Variants in NUBPL observed in about 807,000 individuals in gnomAD.
NUBPL encodes the protein NUBP iron-sulfur cluster assembly factor, mitochondrial.
NUBPL carries 31 observed loss-of-function variants against 45.7 expected under a neutral mutation model. That is an observed-to-expected ratio of 0.68 (90% confidence interval 0.51 to 0.92). The LOEUF (loss-of-function observed/expected upper bound fraction) is 0.92. Ranked by LOEUF, NUBPL falls within the 40% of genes least tolerant of loss-of-function variation. The probability of loss-of-function intolerance (pLI) is 0.00; values close to 1 mark genes in which losing one functional copy is unlikely to be tolerated. For missense variants in NUBPL, 401 were observed against 398.7 expected (o/e 1.01, Z -0.05); for synonymous variants, 144 against 140.9 (o/e 1.02, Z -0.15).
At chr14:31,697,978 C>CAGAT (rs1239254446) in intron 6 of NUBPL, among the ~76,000 whole-genome samples, 1 of 152,092 alleles carries the variant, frequency 6.6e-6, no homozygotes, top group Non-Finnish European at 1.5e-5. Flanking sequence ...AAGACTTGAA[C>CAGAT]AGATCCCAAG....
Position 31,859,208 on chromosome 14 carries a change from G to T in NUBPL, c.*28G>T. 1 of 1,589,744 alleles carries T rather than the reference G, an allele frequency of 6.3e-7. No individual in the cohort carries two copies. Among genetic ancestry groups the T allele is most frequent in the South Asian group, 1.1e-5 (1 of 90,546 alleles). On this transcript the variant is annotated 3_prime_UTR_variant, in exon 11 of 11. Coordinates refer to ENST00000281081, the MANE Select transcript of NUBPL (RefSeq NM_025152.3). ...CCCCAAGTGTCCTGGAAATTTGCCT[G>T]GTACTGACATTAAGAGGACCTTTGG... is the stretch of plus-strand genomic sequence containing the variant.
At chr14:31,651,128 C>T (rs1015720898) in intron 4 of NUBPL, among the ~76,000 whole-genome samples, 1 of 152,126 alleles carries the variant, frequency 6.6e-6, no homozygotes, top group Non-Finnish European at 1.5e-5. Flanking sequence ...TGTTCCACGT[C>T]TTTGGATTTT....
chr14:31,737,175 A>T (rs1271294351), intron 6 of NUBPL, among the ~76,000 whole-genome samples: 3 of 151,960 alleles, frequency 2.0e-5, no homozygotes, highest in African/African-American at 7.3e-5. Context: ...AGGTTATCAA[A>T]TTTTTCTATT....
chr14:31,735,253 A>G (rs1373911477), intron 6 of NUBPL, among the ~76,000 whole-genome samples: 1 of 152,172 alleles, frequency 6.6e-6, no homozygotes, highest in East Asian at 1.9e-4. Flanking sequence ...TAATTTGTAT[A>G]TATATTAAAT....
At chr14:31,580,903 G>A (rs1033719386) in intron 3 of NUBPL, among the ~76,000 whole-genome samples, 3 of 152,230 alleles carry the variant, frequency 2.0e-5, no homozygotes, top group Non-Finnish European at 2.9e-5. Context: ...CTCATAAGCC[G>A]TGGTGGAAAT....
chr14:31,793,852 TA>T (rs796464123), intron 7 of NUBPL, among the ~76,000 whole-genome samples: 10,497 of 134,310 alleles, frequency 0.078, 1,372 homozygotes, highest in African/African-American at 0.31. Flanking sequence ...TTTTTTTTTT[TA>T]TTTTTTCCCA....
At chr14:31,609,638 A>G (rs377696258) in intron 4 of NUBPL, among the ~76,000 whole-genome samples, 2 of 152,330 alleles carry the variant, frequency 1.3e-5, no homozygotes, top group East Asian at 3.9e-4. Flanking sequence ...TCCTCAGCAC[A>G]TGGATCATTC....
Position 31,738,864 on chromosome 14 carries a change from A to G in NUBPL, c.514-48916A>G, listed in dbSNP as rs1232925160. 2.6e-5 allele frequency among the ~76,000 whole-genome samples: 4 copies of G among 152,228 alleles called. No individual in the cohort carries two copies. The East Asian group carries it at 5.8e-4, about 22-fold the overall frequency. On this transcript the variant is annotated intron_variant, in intron 6 of 10. Transcript: ENST00000281081. ...TCCATTCCCTGTTTCATCAAGTTTC[A>G]GGGAGAAAATAGGGGAAAAGTCTGT... is the stretch of plus-strand genomic sequence containing the variant.
intron 8 of NUBPL, among the ~76,000 whole-genome samples, chr14:31,833,635 G>C (rs1308026485): frequency 6.6e-6 from 1 of 152,158 alleles, no homozygotes; most frequent in African/African-American, 2.4e-5. Context: ...CATTACAGTA[G>C]ATGAACAGGT....
chr14:31,712,559 G>A (rs2037599972), intron 6 of NUBPL, among the ~76,000 whole-genome samples: 1 of 152,218 alleles, frequency 6.6e-6, no homozygotes, highest in Non-Finnish European at 1.5e-5. Flanking sequence ...TCCGGCCTCG[G>A]CCAGCCCCAG....
chr14:31,710,449 C>T (rs1310437922), intron 6 of NUBPL, among the ~76,000 whole-genome samples: 2 of 152,148 alleles, frequency 1.3e-5, no homozygotes, highest in Non-Finnish European at 2.9e-5. Context: ...GCTTTTCTCC[C>T]AGACCACAAG....
rs572808127 is a variant in NUBPL at position 31,764,233 on chromosome 14, T to C, written c.514-23547T>C. ...TTTACTGGTTTATAGGTCTTTGTCATAATTTTTATTTGGGTAGGATATAAT... is the reference window on the plus strand; with the variant it reads ...TTTACTGGTTTATAGGTCTTTGTCACAATTTTTATTTGGGTAGGATATAAT... On this transcript the variant is annotated intron_variant, in intron 6 of 10. Coordinates refer to ENST00000281081, the MANE Select transcript of NUBPL (RefSeq NM_025152.3). Among the ~76,000 whole-genome samples, 7 of 152,322 alleles carry C rather than the reference T, an allele frequency of 4.6e-5. No individual in the cohort carries two copies. In the South Asian group the frequency reaches 1.2e-3, roughly 27 times the overall value.
chr14:31,777,796 C>T (rs984327807), intron 6 of NUBPL, among the ~76,000 whole-genome samples: 4 of 152,184 alleles, frequency 2.6e-5, no homozygotes, highest in African/African-American at 7.2e-5. Context: ...TTAGCGATAG[C>T]AGAAACACCA....
chr14:31,632,421 T>C (rs1052580985), intron 4 of NUBPL, among the ~76,000 whole-genome samples: 2 of 152,192 alleles, frequency 1.3e-5, no homozygotes, highest in Admixed American at 6.5e-5. Context: ...TCTGATCTCC[T>C]GCTTTTGAGG....
At chr14:31,813,271 G>A (rs2039848746) in intron 7 of NUBPL, among the ~76,000 whole-genome samples, 2 of 152,086 alleles carry the variant, frequency 1.3e-5, no homozygotes, top group South Asian at 4.1e-4. Context: ...ACAAGCGTGA[G>A]CCACCGTGCC....
chr14:31,663,912 T>A (rs7150001), intron 4 of NUBPL, among the ~76,000 whole-genome samples: 44,455 of 152,046 alleles, frequency 0.29, 7,445 homozygotes, highest in South Asian at 0.41. Context: ...TCTCATTTCC[T>A]TGAACAGTGG....
chr14:31,640,217 G>A (rs1160083399), intron 4 of NUBPL, among the ~76,000 whole-genome samples: 3 of 152,002 alleles, frequency 2.0e-5, no homozygotes, highest in Non-Finnish European at 4.4e-5. Context: ...GTTCCTATTC[G>A]GCCATCTTGG....
At chr14:31,836,315 C>T (rs1202976507) in intron 8 of NUBPL, among the ~76,000 whole-genome samples, 1 of 152,026 alleles carries the variant, frequency 6.6e-6, no homozygotes, top group Admixed American at 6.6e-5. Context: ...AAAAAAGGAC[C>T]TTATGCTTTG....
intron 4 of NUBPL, among the ~76,000 whole-genome samples, chr14:31,643,075 A>T (rs1257119964): frequency 6.6e-6 from 1 of 151,986 alleles, no homozygotes; most frequent in African/African-American, 2.4e-5. Flanking sequence ...AGGCTTTTCT[A>T]TGTATAATAT....
Sources: allele counts gnomAD v4.1 joint callset (sites outside exome capture counted in the v4.1 genomes callset), GRCh38; gene constraint gnomAD v4.1.1; transcripts MANE v1.5; gene names NCBI Gene and HGNC (gene_info 2026-07-23, HGNC 2026-07-21).